Variants in SIAH1 observed in about 807,000 individuals in gnomAD.
SIAH1 encodes the protein E3 ubiquitin-protein ligase SIAH1.
A neutral mutation model predicts 20.0 loss-of-function variants in SIAH1; 2 were observed. The observed-to-expected ratio is 0.10, with a 90% confidence interval of 0.04 to 0.31. The LOEUF is 0.31. Among genes scored for constraint, SIAH1 ranks in the 10% least tolerant of loss-of-function variants. The probability of loss-of-function intolerance (pLI) is 1.00; values close to 1 mark genes in which losing one functional copy is unlikely to be tolerated. For missense variants in SIAH1, 119 were observed against 355.3 expected, an observed-to-expected ratio of 0.33 and a Z score of 5.35; for synonymous variants, 118 against 125.3, an observed-to-expected ratio of 0.94 and a Z score of 0.39.
chr16:48,365,881 T>TTAC (rs1960816144), intron 1 of SIAH1: 1 of 1,239,356 alleles, frequency 8.1e-7, no homozygotes, highest in Non-Finnish European at 1.0e-6. Context: ...AGCTCAAGAG[T>TTAC]TACTGCAGGA....
chr16:48,381,678 G>GT (rs1333870567), intron 1 of SIAH1, among the ~76,000 whole-genome samples: 1 of 152,150 alleles, frequency 6.6e-6, no homozygotes, highest in Non-Finnish European at 1.5e-5. Flanking sequence ...TAAAAGCCCA[G>GT]TTACACATAT....
At chr16:48,384,492 G>C (rs546370108) in intron 1 of SIAH1, among the ~76,000 whole-genome samples, 41 of 152,210 alleles carry the variant, frequency 2.7e-4, no homozygotes, top group Non-Finnish European at 5.4e-4. Flanking sequence ...GGAAATGCCA[G>C]GTTTATAATA....
At chr16:48,372,963 G>A (rs1049751062) in intron 1 of SIAH1, among the ~76,000 whole-genome samples, 3 of 147,544 alleles carry the variant, frequency 2.0e-5, no homozygotes, top group African/African-American at 8.1e-5. Flanking sequence ...CTGGGCTCCT[G>A]CCTAATAAAC....
At chr16:48,374,304 A>C (rs1299792938) in intron 1 of SIAH1, among the ~76,000 whole-genome samples, 2 of 152,260 alleles carry the variant, frequency 1.3e-5, no homozygotes, top group Admixed American at 6.5e-5. Context: ...GAATAAATAC[A>C]TCAGAAAACA....
intron 1 of SIAH1, among the ~76,000 whole-genome samples, chr16:48,384,834 G>A (rs938551237): frequency 6.8e-6 from 1 of 147,952 alleles, no homozygotes; most frequent in African/African-American, 2.4e-5. Flanking sequence ...GCACGAGGGC[G>A]CGGGGCGCGC....
chr16:48,365,337 T>TA (rs1192103085), intron 1 of SIAH1: 4 of 1,606,386 alleles, frequency 2.5e-6, no homozygotes, highest in Non-Finnish European at 3.4e-6. Flanking sequence ...CACTGACTAA[T>TA]AGCGTTCAAG....
chr16:48,374,249 C>A (rs1200621012), intron 1 of SIAH1, among the ~76,000 whole-genome samples: 1 of 152,212 alleles, frequency 6.6e-6, no homozygotes, highest in African/African-American at 2.4e-5. Flanking sequence ...AAACTTAATA[C>A]AGTGCCTGGC....
In SIAH1 at chr16:48,362,410, T is replaced by C. The variant is rs1276250455; in HGVS notation, c.19A>G (p.Thr7Ala). ...TTCGAGGTACCGGTAGGTAATGCTG[T>C]AGCAGTCTGACGGCTCATTTCTGAA... MSRQTA[T>A]ALPTGTSKCP... is the part of the protein sequence containing the mutation. The change falls in exon 2 of 2, where the codon ACA becomes GCA. Residue 7 changes from threonine to alanine, a missense_variant. This residue lies in a region of SIAH1 where 35 missense variants were observed against 47.5 expected (regional missense o/e 0.74). Coordinates refer to ENST00000394725, the MANE Select transcript of SIAH1 (RefSeq NM_003031.4). This position sits in a 1 kb window ranked among gnomAD's most constrained non-coding sequence, Gnocchi z 4.2. 6.2e-7 allele frequency: 1 copy of C among 1,614,128 alleles called. No individual in the cohort carries two copies. Among genetic ancestry groups the C allele is most frequent in the East Asian group, 2.2e-5 (1 of 44,884 alleles).
chr16:48,371,548 T>C (rs1316574000), intron 1 of SIAH1, among the ~76,000 whole-genome samples: 2 of 152,202 alleles, frequency 1.3e-5, no homozygotes, highest in South Asian at 2.1e-4. Context: ...CAAAGCAAAG[T>C]ATGTATCATG....
intron 1 of SIAH1, among the ~76,000 whole-genome samples, chr16:48,372,298 G>A (rs1257105146): frequency 2.0e-5 from 3 of 152,136 alleles, no homozygotes; most frequent in Non-Finnish European, 4.4e-5. Context: ...TACAATCTAT[G>A]TTGACATAAG....
rs557433919 is a variant in SIAH1 at position 48,360,557 on chromosome 16, T to A, written c.*1023A>T. The A allele has an allele frequency of 1.3e-5, 2 of 152,802 alleles. No individual in the cohort carries two copies. Among genetic ancestry groups the A allele is most frequent in the East Asian group, 3.9e-4 (2 of 5,190 alleles). 9.5% of individuals were successfully genotyped at this position (152,802 alleles called of 1,614,324 possible). ...TTTTTTAATTTGCCAGATATTCTTTTAATGAGAATTATAAAAGACCAAAAA... is the reference window on the plus strand; with the variant it reads ...TTTTTTAATTTGCCAGATATTCTTTAAATGAGAATTATAAAAGACCAAAAA... On this transcript the variant is annotated 3_prime_UTR_variant, in exon 2 of 2. Coordinates refer to ENST00000394725, the MANE Select transcript of SIAH1 (RefSeq NM_003031.4).
At chr16:48,384,622 G>A (rs941973560) in intron 1 of SIAH1, among the ~76,000 whole-genome samples, 1 of 151,866 alleles carries the variant, frequency 6.6e-6, no homozygotes, top group East Asian at 2.0e-4. Context: ...CAGGAAGAGC[G>A]CAGCCCCGTC....
intron 1 of SIAH1, among the ~76,000 whole-genome samples, chr16:48,371,570 G>T (rs1960987078): frequency 6.6e-6 from 1 of 152,248 alleles, no homozygotes; most frequent in Non-Finnish European, 1.5e-5. Flanking sequence ...AGAGGAAAGA[G>T]CAGAGAAGAG....
At chr16:48,371,992 T>G (rs76520277) in intron 1 of SIAH1, among the ~76,000 whole-genome samples, 9,638 of 151,860 alleles carry the variant, frequency 0.063, 361 homozygotes, top group Middle Eastern at 0.15. Context: ...ACAAATCTGG[T>G]AGGTAAGTAT....
intron 1 of SIAH1, among the ~76,000 whole-genome samples, chr16:48,379,180 AG>A (rs1961190012): frequency 6.6e-6 from 1 of 150,944 alleles, no homozygotes; most frequent in South Asian, 2.1e-4. Context: ...CTGACTCTTA[AG>A]GGCTTGTCCT....
At chr16:48,370,779 C>G (rs76888757) in intron 1 of SIAH1, among the ~76,000 whole-genome samples, 1,793 of 148,096 alleles carry the variant, frequency 0.012, 39 homozygotes, top group African/African-American at 0.043. Context: ...GCCCTCCAGC[C>G]TGGGCGACAG....
At chr16:48,378,068 C>A (rs1961159899) in intron 1 of SIAH1, among the ~76,000 whole-genome samples, 1 of 151,990 alleles carries the variant, frequency 6.6e-6, no homozygotes, top group Non-Finnish European at 1.5e-5. Flanking sequence ...TGAAAGAGTA[C>A]AGGCCGGGCG....
At chr16:48,384,591 T>C (rs959091306) in intron 1 of SIAH1, among the ~76,000 whole-genome samples, 8 of 151,938 alleles carry the variant, frequency 5.3e-5, no homozygotes, top group African/African-American at 9.7e-5. Context: ...CACTGCACAA[T>C]GAAGCCTCCG....
At chr16:48,365,065 G>T (rs1960777479) in intron 1 of SIAH1, 2 of 250,800 alleles carry the variant, frequency 8.0e-6, no homozygotes, top group Non-Finnish European at 1.5e-5. Flanking sequence ...GTATTTCTTG[G>T]GAACGGAGGT....
Sources: allele counts gnomAD v4.1 joint callset (sites outside exome capture counted in the v4.1 genomes callset), GRCh38; gene constraint gnomAD v4.1.1; regional missense constraint gnomAD v4.1.1; non-coding constraint Gnocchi (gnomAD v3.1); transcripts MANE v1.5; gene names NCBI Gene and HGNC (gene_info 2026-07-23, HGNC 2026-07-21).